FOXP2: variants seen among roughly 807,000 people sequenced by gnomAD.
FOXP2 encodes the protein forkhead box P2, also known as forkhead box protein P2.
A neutral mutation model predicts 115.8 loss-of-function variants in FOXP2; 12 were observed. That is an observed-to-expected ratio of 0.10 (90% CI 0.07 to 0.17). The LOEUF (loss-of-function observed/expected upper bound fraction) is 0.17, where lower values mean the gene tolerates loss of function less well. Ranked by LOEUF, FOXP2 falls within the 10% of genes least tolerant of loss-of-function variation. The pLI is 1.00. For missense variants in FOXP2, 629 were observed against 843.5 expected, an observed-to-expected ratio of 0.75 and a Z score of 3.15; for synonymous variants, 328 against 297.7, an observed-to-expected ratio of 1.10 and a Z score of -1.05.
intron 1 of FOXP2, among the ~76,000 whole-genome samples, chr7:114,264,236 T>C (rs1011025874): frequency 1.4e-4 from 21 of 152,224 alleles, no homozygotes; most frequent in African/African-American, 5.1e-4. Context: ...TGATGACTAA[T>C]GGAATGTATG....
At chr7:114,560,014 A>T (rs77740996) in intron 3 of FOXP2, among the ~76,000 whole-genome samples, 1,587 of 152,278 alleles carry the variant, frequency 0.01, 28 homozygotes, top group African/African-American at 0.037. Context: ...TGGTATCTGC[A>T]TTGGGACAGT....
intron 2 of FOXP2, among the ~76,000 whole-genome samples, chr7:114,388,062 T>C (rs989912621): frequency 3.9e-5 from 6 of 152,214 alleles, no homozygotes; most frequent in Non-Finnish European, 7.4e-5. Context: ...AAGATTAATG[T>C]CATTGATATA....
chr7:114,606,487 C>T (rs1489025618), intron 3 of FOXP2, among the ~76,000 whole-genome samples: 1 of 152,184 alleles, frequency 6.6e-6, no homozygotes, highest in Non-Finnish European at 1.5e-5. Flanking sequence ...ATGCCACTCT[C>T]ATCTTCTTCT....
At chr7:114,274,895 T>A (rs1796151804) in intron 1 of FOXP2, among the ~76,000 whole-genome samples, 1 of 151,996 alleles carries the variant, frequency 6.6e-6, no homozygotes, top group Admixed American at 6.6e-5. Context: ...TCTCAAGCAA[T>A]CCGCTCACCT....
At chr7:114,441,469 G>C (rs748685336) in intron 2 of FOXP2, among the ~76,000 whole-genome samples, 1 of 151,860 alleles carries the variant, frequency 6.6e-6, no homozygotes, top group African/African-American at 2.4e-5. Flanking sequence ...AAAAATTGGA[G>C]TGGAATGTCC....
chr7:114,583,624 A>G lies in FOXP2; in HGVS notation c.259-44916A>G, dbSNP rs953327650. On this transcript the variant is annotated intron_variant, in intron 3 of 16. Coordinates refer to ENST00000350908, the MANE Select transcript of FOXP2 (RefSeq NM_014491.4). The stretch of plus-strand genomic sequence containing the variant: ...TATGTTCATTCTAAGTTGATGACTG[A>G]TAAGAATAAATTATTCCTTTCAGGA... Among the ~76,000 whole-genome samples the G allele has an allele frequency of 2.0e-5, 3 of 152,300 alleles. No individual in the cohort carries two copies. The East Asian group carries it at 5.8e-4, about 29-fold the overall frequency.
chr7:114,102,142 C>A (rs548177932), intron 1 of FOXP2, among the ~76,000 whole-genome samples: 4 of 152,010 alleles, frequency 2.6e-5, no homozygotes, highest in Non-Finnish European at 5.9e-5. Flanking sequence ...TGTTTCTATA[C>A]TGTTTCTTGC....
chr7:114,337,186 G>A (rs1797873512), intron 2 of FOXP2, among the ~76,000 whole-genome samples: 1 of 151,344 alleles, frequency 6.6e-6, no homozygotes, highest in African/African-American at 2.4e-5. Flanking sequence ...AACAGAAGGT[G>A]TTCAAGAGAG....
At chr7:114,541,750 A>G (rs932060139) in intron 3 of FOXP2, among the ~76,000 whole-genome samples, 1 of 151,270 alleles carries the variant, frequency 6.6e-6, no homozygotes, top group African/African-American at 2.4e-5. Flanking sequence ...TTTGCTATCT[A>G]GGAGGCCAAA....
intron 2 of FOXP2, among the ~76,000 whole-genome samples, chr7:114,366,840 T>C (rs2129188525): frequency 6.6e-6 from 1 of 152,274 alleles, no homozygotes; most frequent in South Asian, 2.1e-4. Context: ...CTCATCACTA[T>C]TAGACTTTTT....
intron 1 of FOXP2, among the ~76,000 whole-genome samples, chr7:114,154,637 A>C (rs1418487284): frequency 6.6e-6 from 1 of 152,164 alleles, no homozygotes; most frequent in Non-Finnish European, 1.5e-5. Flanking sequence ...GACAACTTAT[A>C]CAAAGAATAT....
intron 3 of FOXP2, among the ~76,000 whole-genome samples, chr7:114,536,794 A>T (rs991801165): frequency 1.3e-5 from 2 of 151,470 alleles, no homozygotes; most frequent in East Asian, 3.9e-4. Flanking sequence ...TCATGCCAAA[A>T]TGTCATAGGA....
intron 16 of FOXP2, among the ~76,000 whole-genome samples, chr7:114,678,970 G>T (rs1807926099): frequency 6.6e-6 from 1 of 151,956 alleles, no homozygotes; most frequent in Admixed American, 6.6e-5. Context: ...TATCTCCTTG[G>T]TAGAGCATAA....
At chr7:114,525,725 T>C (rs983300781) in intron 2 of FOXP2, among the ~76,000 whole-genome samples, 1 of 152,146 alleles carries the variant, frequency 6.6e-6, no homozygotes, top group Admixed American at 6.6e-5. Flanking sequence ...CTTCAGCCTG[T>C]CTCCTCCCCA....
At chr7:114,424,808 T>A (rs1046533740) in intron 1 of FOXP2, among the ~76,000 whole-genome samples, 14 of 151,620 alleles carry the variant, frequency 9.2e-5, no homozygotes, top group Non-Finnish European at 1.8e-4. Context: ...TCATGTTTTC[T>A]GTTGTTTTTT....
intron 9 of FOXP2, 56 bp downstream of exon 9, chr7:114,652,346 A>T: frequency 2.0e-6 from 3 of 1,487,338 alleles, no homozygotes; most frequent in Non-Finnish European, 2.8e-6. Context: ...TGTTACATTG[A>T]GTACTGAGCA....
In FOXP2 at chr7:114,426,519, A is replaced by C. The variant is rs1188410790; in HGVS notation, c.8A>C (p.Gln3Pro). MM[Q>P]ESATETISNS... ...ACTTTTAGGTATTAAGTCATGATGC[A>C]GGAATCTGCGACAGAGACAATAAGC... Residue 3 changes from glutamine to proline, a missense_variant, in exon 2 of 17, where the codon CAG becomes CCG. Transcript: ENST00000350908. The C allele has an allele frequency of 1.2e-6, 2 of 1,610,990 alleles. No individual in the cohort carries two copies.
upstream of FOXP2, among the ~76,000 whole-genome samples, chr7:114,413,155 A>G (rs1190704339): frequency 1.3e-5 from 2 of 152,144 alleles, no homozygotes; most frequent in Admixed American, 1.3e-4. Flanking sequence ...CTGATGTGAT[A>G]ATGGAAACTA....
At chr7:114,616,164 C>T (rs1191667495) in intron 3 of FOXP2, among the ~76,000 whole-genome samples, 3 of 147,988 alleles carry the variant, frequency 2.0e-5, no homozygotes, top group East Asian at 3.9e-4. Flanking sequence ...TTTTTGTTGT[C>T]GTTTTTGTTT....
Sources: gnomAD v4.1 joint callset for allele counts (sites outside exome capture counted in the v4.1 genomes callset) on GRCh38, gnomAD v4.1.1 for gene constraint, MANE v1.5 for transcripts, NCBI Gene and HGNC (gene_info 2026-07-23, HGNC 2026-07-21) for gene names.